The following DIAPH2 variants were observed in gnomAD, a reference collection of about 807,000 sequenced individuals.
DIAPH2 encodes diaphanous related formin 2, also known as protein diaphanous homolog 2.
DIAPH2 carries 35 observed loss-of-function variants against 92.7 expected under a neutral mutation model. That is an observed-to-expected ratio of 0.38 (90% confidence interval 0.29 to 0.50). DIAPH2 has a LOEUF of 0.50. DIAPH2 is among the 20% of genes least tolerant of loss of function. The pLI, the probability that DIAPH2 is intolerant of heterozygous loss-of-function variation, is 0.94. For synonymous variants in DIAPH2, 301 were observed against 280.4 expected (o/e 1.07, Z -0.73); for missense variants, 701 against 819.5 (o/e 0.86, Z 1.77).
chrX:97,081,674 G>T (rs1208223686), intron 19 of DIAPH2: 1 of 109,482 alleles, frequency 9.1e-6, no homozygotes, highest in Non-Finnish European at 1.9e-5. Context: ...ACAAAAATTA[G>T]CCGGGTGTGG....
rs145095365 is a variant in DIAPH2 at position 96,949,086 on chromosome X, A to G, written c.1614+47A>G. 1.4e-3 allele frequency: 1,174 copies of G among 866,059 alleles called. 21 individuals are homozygous for G. The East Asian group carries it at 0.036, about 27-fold the overall frequency. 71.4% of individuals were successfully genotyped at this position (866,059 alleles called of 1,213,427 possible). On this transcript the variant is annotated intron_variant, in intron 15 of 26. Coordinates refer to ENST00000324765, the MANE Select transcript of DIAPH2 (RefSeq NM_006729.5). ...TTTGTGTCATGTCACAATGAGTTTG[A>G]TGGTAGAAAATTATCTTGTTATATA...
intron 26 of DIAPH2, among the ~76,000 whole-genome samples, chrX:97,485,505 A>C (rs1014660629): frequency 1.9e-4 from 21 of 112,997 alleles, no homozygotes; most frequent in Non-Finnish European, 3.4e-4. Context: ...AAGTCATTTG[A>C]AAATGTTATC....
intron 22 of DIAPH2, among the ~76,000 whole-genome samples, chrX:97,207,649 T>C (rs763795558): frequency 6.3e-5 from 7 of 110,925 alleles, no homozygotes; most frequent in Non-Finnish European, 1.1e-4. Context: ...CTTTTTTTCA[T>C]GCCTCTGATT....
intron 22 of DIAPH2, among the ~76,000 whole-genome samples, chrX:97,142,337 A>T (rs1021466775): frequency 9.0e-6 from 1 of 111,646 alleles, no homozygotes; most frequent in South Asian, 3.7e-4. Flanking sequence ...AAGGTGAAAT[A>T]TGAGGTTAGG....
At chrX:96,704,749 G>T (rs1326562903) in intron 1 of DIAPH2, among the ~76,000 whole-genome samples, 1 of 111,342 alleles carries the variant, frequency 9.0e-6, no homozygotes, top group African/African-American at 3.3e-5. Context: ...TAGGTCATGA[G>T]ATACAGGTAC....
chrX:97,515,476 T>C (rs763862014), intron 26 of DIAPH2, among the ~76,000 whole-genome samples: 1 of 112,324 alleles, frequency 8.9e-6, no homozygotes, highest in Admixed American at 9.4e-5. Flanking sequence ...GTCTTCTGCG[T>C]CGCTCACGCT....
chrX:96,885,727 A>C (rs1304828727), intron 5 of DIAPH2, among the ~76,000 whole-genome samples: 1 of 111,315 alleles, frequency 9.0e-6, no homozygotes, highest in African/African-American at 3.3e-5. Context: ...TTATCTTTGA[A>C]ATTTTTTAAA....
chrX:96,766,353 C>T (rs1021580202), intron 4 of DIAPH2, among the ~76,000 whole-genome samples: 35 of 110,731 alleles, frequency 3.2e-4, no homozygotes, highest in African/African-American at 1.1e-3. Context: ...TTTGAGTTTG[C>T]AAATCCTGCT....
At chrX:97,305,515 A>AC (rs1325100342) in intron 23 of DIAPH2, among the ~76,000 whole-genome samples, 1 of 105,025 alleles carries the variant, frequency 9.5e-6, no homozygotes, top group Non-Finnish European at 1.9e-5. Flanking sequence ...AAACAAACAA[A>AC]AAACAACAAT....
chrX:96,712,871 G>A (rs1224799998), intron 1 of DIAPH2, among the ~76,000 whole-genome samples: 1 of 111,185 alleles, frequency 9.0e-6, no homozygotes, highest in African/African-American at 3.3e-5. Context: ...GGAACTCAAA[G>A]ATAGTTAAAC....
intron 22 of DIAPH2, among the ~76,000 whole-genome samples, chrX:97,205,486 A>G (rs1028656810): frequency 4.5e-5 from 5 of 110,721 alleles, no homozygotes; most frequent in African/African-American, 1.6e-4. Flanking sequence ...AAGAAAAAAA[A>G]AATCAAAAAG....
intron 23 of DIAPH2, among the ~76,000 whole-genome samples, chrX:97,271,774 C>G (rs1602466849): frequency 9.3e-6 from 1 of 107,265 alleles, no homozygotes; most frequent in African/African-American, 3.4e-5. Flanking sequence ...TTACTGTTTG[C>G]TCTGCTTTTT....
At chrX:97,390,226 T>TC (rs2069644678) in intron 25 of DIAPH2, among the ~76,000 whole-genome samples, 1 of 83,889 alleles carries the variant, frequency 1.2e-5, no homozygotes, top group African/African-American at 4.3e-5. Context: ...TTTTTTTTTT[T>TC]TTTTTTTTTT....
intron 17 of DIAPH2, among the ~76,000 whole-genome samples, chrX:97,047,471 A>G (rs1448406005): frequency 9.7e-6 from 1 of 102,931 alleles, no homozygotes; most frequent in East Asian, 2.9e-4. Flanking sequence ...ATAAATATAT[A>G]TATATATAAT....
intron 5 of DIAPH2, chrX:96,884,183 C>T: frequency 2.0e-6 from 1 of 512,435 alleles, no homozygotes; most frequent in Admixed American, 4.0e-5. Flanking sequence ...AGCATTCAAT[C>T]GTAGCCTTTC....
intron 26 of DIAPH2, among the ~76,000 whole-genome samples, chrX:97,507,905 A>G (rs891709891): frequency 9.0e-6 from 1 of 111,319 alleles, no homozygotes; most frequent in Non-Finnish European, 1.9e-5. Context: ...ACAAAGGGAA[A>G]GGAATCCAGA....
chrX:97,470,745 C>G (rs1180285837), intron 26 of DIAPH2, among the ~76,000 whole-genome samples: 1 of 108,904 alleles, frequency 9.2e-6, no homozygotes. Context: ...CTCTCAGCTC[C>G]AAAGCATGTG....
At chrX:97,217,395 C>T (rs753776039) in intron 22 of DIAPH2, among the ~76,000 whole-genome samples, 1 of 111,427 alleles carries the variant, frequency 9.0e-6, no homozygotes, top group Admixed American at 9.6e-5. Context: ...AAAAACTGTG[C>T]CTCTGTTCCC....
At chrX:96,769,761 T>G (rs1356012585) in intron 4 of DIAPH2, among the ~76,000 whole-genome samples, 1 of 112,129 alleles carries the variant, frequency 8.9e-6, no homozygotes, top group African/African-American at 3.2e-5. Flanking sequence ...TTCTTTGCCC[T>G]AATGGAGCAT....
Sources: gnomAD v4.1 joint callset for allele counts (sites outside exome capture counted in the v4.1 genomes callset) on GRCh38, gnomAD v4.1.1 for gene constraint, MANE v1.5 for transcripts, NCBI Gene and HGNC (gene_info 2026-07-23, HGNC 2026-07-21) for gene names.